Variants in ADAMTSL4 observed in about 807,000 individuals in gnomAD.
ADAMTSL4 encodes the protein ADAMTS like 4.
ADAMTSL4 carries 97 observed loss-of-function variants against 122.8 expected under a neutral mutation model. That is an observed-to-expected ratio of 0.79 (90% CI 0.67 to 0.93). The LOEUF is 0.93. Among genes scored for constraint, ADAMTSL4 ranks in the 40% least tolerant of loss-of-function variants. The pLI is 0.00. For missense variants in ADAMTSL4, 1,408 were observed against 1,453.5 expected, an observed-to-expected ratio of 0.97 and a Z score of 0.51; for synonymous variants, 592 against 568.0, an observed-to-expected ratio of 1.04 and a Z score of -0.60.
rs755600527 is a variant in ADAMTSL4 at position 150,552,529 on chromosome 1, C to A, written c.21-14C>A. On this transcript the variant is annotated splice_polypyrimidine_tract_variant and intron_variant, in intron 3 of 18. Transcript: ENST00000271643. This position sits in a 1 kb window ranked among gnomAD's most constrained non-coding sequence, Gnocchi z 4.0. ...CTCCAGTCTGACGTCCCTCCCCTGG[C>A]CTTTGGTTTGCAGGCCCTGGCTGTA... 5 of 1,613,960 alleles carry A rather than the reference C, an allele frequency of 3.1e-6. No individual in the cohort carries two copies. The highest frequency in any genetic ancestry group is 4.2e-6 in the Non-Finnish European group (5 of 1,179,990).
Position 150,552,121 on chromosome 1 carries a change from C to T in ADAMTSL4, c.-84-84C>T. The T allele has an allele frequency of 1.5e-6, 1 of 687,078 alleles. No individual in the cohort carries two copies. 42.6% of individuals were successfully genotyped at this position (687,078 alleles called of 1,614,324 possible). A position where few individuals can be genotyped will look rare whatever the true frequency, so the allele number is the denominator to read the frequency against. On this transcript the variant is annotated intron_variant, in intron 2 of 18. Coordinates refer to ENST00000271643, the MANE Select transcript of ADAMTSL4 (RefSeq NM_019032.6). This position sits in a 1 kb window ranked among gnomAD's most constrained non-coding sequence, Gnocchi z 4.0. ...TAAAGGGATGGACCAGTTTCACCCC[C>T]TCCTCCATATTCTCTGAGCTGTCCT...
Position 150,559,993 on chromosome 1 carries a change from C to G in ADAMTSL4, c.3089-67C>G, listed in dbSNP as rs1672613483. The G allele has an allele frequency of 1.2e-6, 2 of 1,613,622 alleles. No homozygotes were observed. The highest frequency in any genetic ancestry group is 1.7e-6 in the Non-Finnish European group (2 of 1,179,696). Reference sequence around the variant, plus strand: ...AGAAAGGACCAGTGGGAATGGGCAGCACACCCATTCCCAGACGGGTGGGTC... The same window carrying G: ...AGAAAGGACCAGTGGGAATGGGCAGGACACCCATTCCCAGACGGGTGGGTC... On this transcript the variant is annotated intron_variant, in intron 18 of 18. Coordinates refer to ENST00000271643, the MANE Select transcript of ADAMTSL4 (RefSeq NM_019032.6). The surrounding 1 kb of genome is among the most constrained non-coding windows in gnomAD (Gnocchi z 4.1).
rs1457292802 is a variant in ADAMTSL4 at position 150,553,085 on chromosome 1, CA to C, written c.268del (p.Arg90AspfsTer43). On this transcript the variant is annotated frameshift_variant, in exon 5 of 19. Coordinates refer to ENST00000271643, the MANE Select transcript of ADAMTSL4 (RefSeq NM_019032.6). LOFTEE classifies it high-confidence loss of function. ...HPSLPLPPRPPRHPEALLPRG... is the reference protein window; with the variant it reads ...HPSLPLPPRPXRHPEALLPRG... ...AGTCTGCCCCTCCCTCCCCGGCCCC[CA>C]AGACATCCAGAAGCCCTCCTCCCCC... The C allele has an allele frequency of 2.5e-6, 4 of 1,613,430 alleles. No homozygotes were observed. The highest frequency in any genetic ancestry group is 2.7e-5 in the African/African-American group (2 of 74,854).
rs1488602894 is a variant in ADAMTSL4, at chr1:150,558,525, G to T, written c.2435G>T (p.Gly812Val). ...AGAAGCCGGCAGGTTCGCTGTGTTGGGAACAATGGTGATGAAGTGAGCGAG... is the reference window on the plus strand; with the variant it reads ...AGAAGCCGGCAGGTTCGCTGTGTTGTGAACAATGGTGATGAAGTGAGCGAG... ...GQRSRQVRCV[G>V]NNGDEVSEQE... The change falls in exon 15 of 19, where the codon GGG becomes GTG. Residue 812 changes from glycine to valine, a missense_variant. Coordinates refer to ENST00000271643, the MANE Select transcript of ADAMTSL4 (RefSeq NM_019032.6). The T allele has an allele frequency of 1.2e-6, 2 of 1,613,754 alleles. No individual in the cohort carries two copies. The highest frequency in any genetic ancestry group is 2.7e-5 in the African/African-American group (2 of 74,932).
In ADAMTSL4 at chr1:150,559,730, A is replaced by C. The variant is rs201238986; in HGVS notation, c.2944-31A>C. ...TTAAGGAGAATCCCGGGCCTGGCAA[A>C]GGTCTGATATGATGGCTGGGGTCGC... On this transcript the variant is annotated intron_variant, in intron 17 of 18. Transcript: ENST00000271643. This position sits in a 1 kb window ranked among gnomAD's most constrained non-coding sequence, Gnocchi z 4.1. 5.5e-4 allele frequency: 895 copies of C among 1,613,610 alleles called. 3 individuals carry two copies. In the African/African-American group the frequency reaches 0.011, roughly 19 times the overall value.
At position 150,556,028 on chromosome 1, in the gene ADAMTSL4, T is replaced by G; in HGVS notation, c.1372-134T>G. ...CCATGTCCCTGGGTCTGGCTGGGGATGGTGGGGCTGTTTTTGTGCTCTCAC... is the reference window on the plus strand; with the variant it reads ...CCATGTCCCTGGGTCTGGCTGGGGAGGGTGGGGCTGTTTTTGTGCTCTCAC... On this transcript the variant is annotated intron_variant, in intron 8 of 18. Transcript: ENST00000271643. This position sits in a 1 kb window ranked among gnomAD's most constrained non-coding sequence, Gnocchi z 4.1. 5.8e-6 allele frequency: 5 copies of G among 869,038 alleles called. No homozygotes were observed. The highest frequency in any genetic ancestry group is 7.4e-6 in the Non-Finnish European group (4 of 538,388). 53.8% of individuals were successfully genotyped at this position (869,038 alleles called of 1,614,324 possible).
chr1:150,552,006 C>A lies in ADAMTSL4; in HGVS notation c.-84-199C>A, dbSNP rs963860752. ...CAGGGCCCAGAGGTGGGGACTGAGC[C>A]TTAGTTGGAGGGCTGAGGTCAGCCC... On this transcript the variant is annotated intron_variant, in intron 2 of 18. Coordinates refer to ENST00000271643, the MANE Select transcript of ADAMTSL4 (RefSeq NM_019032.6). The surrounding 1 kb of genome is among the most constrained non-coding windows in gnomAD (Gnocchi z 4.0). The A allele has an allele frequency of 2.0e-6, 1 of 500,224 alleles. No individual in the cohort carries two copies. The highest frequency in any genetic ancestry group is 3.5e-5 in the South Asian group (1 of 28,534). The allele number at this position is 500,224 out of a possible 1,614,324, so 31.0% of individuals were successfully genotyped here. A position where few individuals can be genotyped will look rare whatever the true frequency, so the allele number is the denominator to read the frequency against.
chr1:150,553,730 G>GC lies in ADAMTSL4; in HGVS notation c.745dup (p.Leu249ProfsTer52), dbSNP rs761084716. 4 of 1,612,490 alleles carry GC rather than the reference G, an allele frequency of 2.5e-6. No homozygotes were observed. The highest frequency in any genetic ancestry group is 3.4e-6 in the Non-Finnish European group (4 of 1,179,516). Reference sequence around the variant, plus strand: ...AGAGGTGGCCCCCAGAACCAGGCCTGCCCCCCTACGGCATCACCCCAGAGC... The same window carrying GC: ...AGAGGTGGCCCCCAGAACCAGGCCTGCCCCCCCTACGGCATCACCCCAGAGC... On this transcript the variant is annotated frameshift_variant, in exon 6 of 19. Coordinates refer to ENST00000271643, the MANE Select transcript of ADAMTSL4 (RefSeq NM_019032.6). LOFTEE classifies it high-confidence loss of function.
chr1:150,559,196 G>A lies in ADAMTSL4; in HGVS notation c.2763+31G>A, dbSNP rs1041145599. ...CTGAGCGCCTGCTGAGAGCAGGAAGGGGGTGCCAGTCCCAGTGGGATTCCT... is the reference window on the plus strand; with the variant it reads ...CTGAGCGCCTGCTGAGAGCAGGAAGAGGGTGCCAGTCCCAGTGGGATTCCT... On this transcript the variant is annotated intron_variant, in intron 16 of 18. Coordinates refer to ENST00000271643, the MANE Select transcript of ADAMTSL4 (RefSeq NM_019032.6). The surrounding 1 kb of genome is among the most constrained non-coding windows in gnomAD (Gnocchi z 4.1). 6.2e-7 allele frequency: 1 copy of A among 1,611,976 alleles called. No homozygotes were observed. Among genetic ancestry groups the A allele is most frequent in the African/African-American group, 1.3e-5 (1 of 74,982 alleles).
chr1:150,553,058 C>T lies in ADAMTSL4; in HGVS notation c.239C>T (p.Pro80Leu), dbSNP rs146377111. 2.0e-5 allele frequency: 33 copies of T among 1,613,190 alleles called. No homozygotes were observed. The highest frequency in any genetic ancestry group is 4.4e-5 in the South Asian group (4 of 91,070). The change falls in exon 5 of 19, where the codon CCG becomes CTG. Residue 80 changes from proline (P) to leucine (L), a missense_variant. Physicochemically the swap from Pro to Leu is moderately conservative, Grantham distance 98. Coordinates refer to ENST00000271643, the MANE Select transcript of ADAMTSL4 (RefSeq NM_019032.6). ...TCQLPTVQLH[P>L]SLPLPPRPPR... is the part of the protein sequence containing the mutation. ...CAGCTCCCTACAGTGCAGCTCCACC[C>T]GAGTCTGCCCCTCCCTCCCCGGCCC...
chr1:150,559,783 G>T lies in ADAMTSL4; in HGVS notation c.2966G>T (p.Gly989Val). Reference sequence around the variant, plus strand: ...CAGTGTTCTCGCTCCTGCCAAGGGGGAACGCAGACACGGGAGGTCCAGTGC... The same window carrying T: ...CAGTGTTCTCGCTCCTGCCAAGGGGTAACGCAGACACGGGAGGTCCAGTGC... ...WSPCSRSCQG[G>V]TQTREVQCLS... The change falls in exon 18 of 19, where the codon GGA becomes GTA. Residue 989 changes from glycine to valine, a missense_variant. Transcript: ENST00000271643. The surrounding 1 kb of genome is among the most constrained non-coding windows in gnomAD (Gnocchi z 4.1). 1 of 1,614,012 alleles carries T rather than the reference G, an allele frequency of 6.2e-7. No homozygotes were observed. The highest frequency in any genetic ancestry group is 1.1e-5 in the South Asian group (1 of 91,090).
chr1:150,555,635 A>C, intron 8 of ADAMTSL4, 70 bp downstream of exon 8: 1 of 1,529,974 alleles, frequency 6.5e-7, no homozygotes, highest in Non-Finnish European at 8.8e-7. Context: ...CCATATGCAT[A>C]CACATGTACA....
At chr1:150,555,391 A>C (rs370209728) in intron 7 of ADAMTSL4, 38 bp from the exon 8 acceptor site, 6 of 1,612,436 alleles carry the variant, frequency 3.7e-6, no homozygotes, top group Non-Finnish European at 5.1e-6. Flanking sequence ...ACCTCCCACC[A>C]GGGAGCCCAC....
chr1:150,555,438 C>G lies in ADAMTSL4; in HGVS notation c.1244C>G (p.Ser415Cys). ...CTACCCTGTCCCTTAGTCCAGGGCT[C>G]CCAGCGCTGTGAACTGAACTGCCGG... ...QWEPFTEVQG[S>C]QRCELNCRPR... Residue 415 changes from serine to cysteine, a missense_variant, in exon 8 of 19, where the codon TCC becomes TGC. Ser to Cys is a moderately radical substitution (Grantham distance 112, BLOSUM62 -1). Transcript: ENST00000271643. 1 of 1,614,146 alleles carries G rather than the reference C, an allele frequency of 6.2e-7. No homozygotes were observed. The highest frequency in any genetic ancestry group is 8.5e-7 in the Non-Finnish European group (1 of 1,180,018).
rs780720567 is a variant in ADAMTSL4 at position 150,553,840 on chromosome 1, G to A, written c.849G>A (p.Arg283=). Residue 283 remains arginine, a synonymous_variant, in exon 6 of 19, where the codon AGG becomes AGA. Coordinates refer to ENST00000271643, the MANE Select transcript of ADAMTSL4 (RefSeq NM_019032.6). The part of the protein sequence containing the change: ...GFFRASPQPR[R]PSSQGWASPQ... ...TCCGTGCATCCCCTCAGCCACGAAG[G>A]CCAAGTTCCCAGGGTTGGGCCAGTC... The A allele has an allele frequency of 6.2e-7, 1 of 1,614,078 alleles. No homozygotes were observed. Among genetic ancestry groups the A allele is most frequent in the South Asian group, 1.1e-5 (1 of 91,082 alleles).
In ADAMTSL4 at chr1:150,552,781, G is replaced by A; in HGVS notation, c.79-117G>A. 1.5e-6 allele frequency: 2 copies of A among 1,318,774 alleles called. No individual in the cohort carries two copies. The highest frequency in any genetic ancestry group is 1.7e-5 in the Admixed American group (1 of 57,568). The allele number at this position is 1,318,774 out of a possible 1,614,324, so 81.7% of individuals were successfully genotyped here. ...GCCGAGGTGTAGTTCTCCCTCTGCT[G>A]CTGAATGTGACCTTGGACTGGTAGC... On this transcript the variant is annotated intron_variant, in intron 4 of 18. Coordinates refer to ENST00000271643, the MANE Select transcript of ADAMTSL4 (RefSeq NM_019032.6). This position sits in a 1 kb window ranked among gnomAD's most constrained non-coding sequence, Gnocchi z 4.0.
rs143263036 is a variant in ADAMTSL4, at chr1:150,553,498, C to G, written c.507C>G (p.His169Gln). ...YGRVPFALPL[H>Q]RNRRHPRSPP... ...GAGTGCCCTTTGCATTGCCACTGCA[C>G]CGGAACCGCAGGCACCCTCGGAGCC... Residue 169 changes from histidine (H) to glutamine (Q), a missense_variant, in exon 6 of 19, where the codon CAC (histidine) becomes CAG (glutamine). Transcript: ENST00000271643. The G allele has an allele frequency of 4.2e-5, 67 of 1,613,948 alleles. No individual in the cohort carries two copies. In the African/African-American group the frequency reaches 8.4e-4, roughly 20 times the overall value.
At position 150,554,535 on chromosome 1, in the gene ADAMTSL4, C is replaced by A; in HGVS notation, c.1234+68C>A. 1 of 1,599,216 alleles carries A rather than the reference C, an allele frequency of 6.3e-7. No homozygotes were observed. ...TGGGGATGAAGGGGAGAGGAGATACCTGCTTACTCCCAGCCCTGAATGACT... is the reference window on the plus strand; with the variant it reads ...TGGGGATGAAGGGGAGAGGAGATACATGCTTACTCCCAGCCCTGAATGACT... On this transcript the variant is annotated intron_variant, in intron 7 of 18. Transcript: ENST00000271643. This position sits in a 1 kb window ranked among gnomAD's most constrained non-coding sequence, Gnocchi z 4.0.
In ADAMTSL4 at chr1:150,559,501, G is replaced by A; in HGVS notation, c.2943+35G>A. ...TGGCTGCGCTGTCCTGCCCTGCTCA[G>A]CCTGGGCCCCTAGGGGAGGGGAGCT... On this transcript the variant is annotated intron_variant, in intron 17 of 18. Coordinates refer to ENST00000271643, the MANE Select transcript of ADAMTSL4 (RefSeq NM_019032.6). The surrounding 1 kb of genome is among the most constrained non-coding windows in gnomAD (Gnocchi z 4.1). The A allele has an allele frequency of 6.2e-7, 1 of 1,611,246 alleles. No individual in the cohort carries two copies.
Sources: allele counts gnomAD v4.1 joint callset, GRCh38; gene constraint gnomAD v4.1.1; non-coding constraint Gnocchi (gnomAD v3.1); transcripts MANE v1.5; gene names NCBI Gene and HGNC (gene_info 2026-07-23, HGNC 2026-07-21).